The following PIGL variants were observed in gnomAD, a reference collection of about 807,000 sequenced individuals.
The protein encoded by PIGL is N-acetylglucosaminyl-phosphatidylinositol de-N-acetylase.
A neutral mutation model predicts 31.1 loss-of-function variants in PIGL; 22 were observed. The observed-to-expected ratio is 0.71, with a 90% CI of 0.51 to 1.01. PIGL has a LOEUF of 1.01. Ranked by LOEUF, PIGL falls within the 50% of genes least tolerant of loss-of-function variation. The pLI, the probability that PIGL is intolerant of heterozygous loss-of-function variation, is 0.00. For missense variants in PIGL, 302 were observed against 315.9 expected, an observed-to-expected ratio of 0.96 and a Z score of 0.33; for synonymous variants, 131 against 117.4, an observed-to-expected ratio of 1.12 and a Z score of -0.75.
intron 1 of PIGL, among the ~76,000 whole-genome samples, chr17:16,228,679 C>T (rs1052038492): frequency 2.6e-5 from 4 of 152,234 alleles, no homozygotes; most frequent in Non-Finnish European, 2.9e-5. Flanking sequence ...TAAGCCACCA[C>T]GCCCGGCGAT....
chr17:16,261,768 AT>A (rs1018261167), intron 2 of PIGL, among the ~76,000 whole-genome samples: 1 of 151,784 alleles, frequency 6.6e-6, no homozygotes, highest in East Asian at 2.0e-4. Flanking sequence ...TGCCTGGCTA[AT>A]TTTTTTGTAT....
chr17:16,308,353 G>T (rs2093034815), intron 3 of PIGL, among the ~76,000 whole-genome samples: 1 of 150,208 alleles, frequency 6.7e-6, no homozygotes, highest in South Asian at 2.1e-4. Context: ...AAATTACAAA[G>T]CTGCCATCCT....
rs1051919881 is a variant in PIGL, at chr17:16,240,828, G to C, written c.335+6758G>C. 4.0e-5 allele frequency among the ~76,000 whole-genome samples: 6 copies of C among 151,796 alleles called. No homozygotes were observed. In the East Asian group the frequency reaches 9.8e-4, roughly 25 times the overall value. On this transcript the variant is annotated intron_variant, in intron 2 of 6. Coordinates refer to ENST00000225609, the MANE Select transcript of PIGL (RefSeq NM_004278.4). ...AGTATTATTTAAGAGGTAGAAATAG[G>C]CCGGGCATGGTGGCTCACGCCTCTA...
intron 1 of PIGL, among the ~76,000 whole-genome samples, chr17:16,228,737 A>G (rs2092665105): frequency 6.6e-6 from 1 of 152,228 alleles, no homozygotes; most frequent in Admixed American, 6.5e-5. Context: ...GCACTTTCAT[A>G]GTATTATGTA....
intron 2 of PIGL, among the ~76,000 whole-genome samples, chr17:16,272,117 A>T (rs970646058): frequency 6.6e-6 from 1 of 152,188 alleles, no homozygotes; most frequent in African/African-American, 2.4e-5. Flanking sequence ...AGTCAGTGTC[A>T]CTATTTCCCT....
chr17:16,239,447 C>T (rs1276478557), intron 2 of PIGL, among the ~76,000 whole-genome samples: 1 of 151,258 alleles, frequency 6.6e-6, no homozygotes, highest in Non-Finnish European at 1.5e-5. Context: ...CGCACCACTG[C>T]ACTCCAGCCT....
chr17:16,262,975 A>G (rs940043777), intron 2 of PIGL, among the ~76,000 whole-genome samples: 4 of 152,136 alleles, frequency 2.6e-5, no homozygotes, highest in Non-Finnish European at 5.9e-5. Context: ...AAAAAGCTAC[A>G]TAGGATTCCA....
intron 1 of PIGL, among the ~76,000 whole-genome samples, chr17:16,219,065 ATT>A (rs766541353): frequency 6.1e-5 from 5 of 81,638 alleles, no homozygotes; most frequent in Admixed American, 1.3e-4. Flanking sequence ...TTTTTTATAA[ATT>A]TTTTTTTTTT....
Position 16,266,906 on chromosome 17 carries a change from T to G in PIGL, c.335+32836T>G, listed in dbSNP as rs1000878226. ...GCCACCACGCCTTGCTCTTTTTTTT[T>G]GGGGGGGGGGGGGTTGTCGTGGAAA... On this transcript the variant is annotated intron_variant, in intron 2 of 6. Coordinates refer to ENST00000225609, the MANE Select transcript of PIGL (RefSeq NM_004278.4). Among the ~76,000 whole-genome samples the G allele has an allele frequency of 2.3e-4, 28 of 123,126 alleles. 1 individual carries two copies. The highest frequency in any genetic ancestry group is 6.9e-4 in the African/African-American group (25 of 36,446). 80.8% of individuals were successfully genotyped at this position (123,126 alleles called of 152,430 possible). A position where few individuals can be genotyped will look rare whatever the true frequency, so the allele number is the denominator to read the frequency against.
chr17:16,243,115 A>G (rs1478217763), intron 2 of PIGL, among the ~76,000 whole-genome samples: 1 of 152,082 alleles, frequency 6.6e-6, no homozygotes, highest in Non-Finnish European at 1.5e-5. Flanking sequence ...CAGTGGTGCA[A>G]TCTTGGCTCA....
intron 2 of PIGL, among the ~76,000 whole-genome samples, chr17:16,275,681 C>T (rs2092892033): frequency 6.6e-6 from 1 of 152,072 alleles, no homozygotes; most frequent in Non-Finnish European, 1.5e-5. Context: ...GATATTACTG[C>T]CTATTAGGGT....
chr17:16,320,172 G>T (rs995317062), intron 6 of PIGL, among the ~76,000 whole-genome samples: 2 of 142,908 alleles, frequency 1.4e-5, no homozygotes, highest in African/African-American at 5.2e-5. Flanking sequence ...GGGAGAAAGA[G>T]ACAGAGAGAA....
At chr17:16,228,961 T>C (rs1480511198) in intron 1 of PIGL, among the ~76,000 whole-genome samples, 1 of 152,180 alleles carries the variant, frequency 6.6e-6, no homozygotes, top group South Asian at 2.1e-4. Context: ...TTCATCCATA[T>C]TGTGGCATGT....
rs749364142 is a variant in PIGL, at chr17:16,234,029, T to C, written c.294T>C (p.Val98=). The C allele has an allele frequency of 3.1e-6, 5 of 1,608,136 alleles. No homozygotes were observed. Among genetic ancestry groups the C allele is most frequent in the Non-Finnish European group, 4.3e-6 (5 of 1,174,648 alleles). ...AAGAACTTTTGCAGAGCTGTGATGT[T>C]TTGGGGATTCCACTCTCCAGTGTAA... is the stretch of plus-strand genomic sequence containing the variant. ...RKKELLQSCD[V]LGIPLSSVMI... Residue 98 remains valine, a synonymous_variant, in exon 2 of 7, where the codon GTT becomes GTC. Coordinates refer to ENST00000225609, the MANE Select transcript of PIGL (RefSeq NM_004278.4).
intron 2 of PIGL, among the ~76,000 whole-genome samples, chr17:16,234,757 T>G (rs2092692860): frequency 6.6e-6 from 1 of 152,214 alleles, no homozygotes; most frequent in Admixed American, 6.5e-5. Context: ...AGAGCAAGAC[T>G]CCGTCTCAAA....
intron 2 of PIGL, among the ~76,000 whole-genome samples, chr17:16,259,440 G>A (rs2142746022): frequency 6.6e-6 from 1 of 152,112 alleles, no homozygotes; most frequent in East Asian, 1.9e-4. Flanking sequence ...GGAGGCCGAG[G>A]CAGGAGGATC....
intron 6 of PIGL, among the ~76,000 whole-genome samples, chr17:16,319,623 T>C (rs2093094289): frequency 6.6e-6 from 1 of 151,486 alleles, no homozygotes; most frequent in Middle Eastern, 3.2e-3. Context: ...GGCGTGGTGG[T>C]GGGCACCTGT....
chr17:16,249,108 C>T (rs1417956937), intron 2 of PIGL, among the ~76,000 whole-genome samples: 2 of 152,200 alleles, frequency 1.3e-5, no homozygotes, highest in Non-Finnish European at 1.5e-5. Context: ...TCTGTGGTTT[C>T]GGTTACCTGC....
intron 4 of PIGL, 31 bp from the exon 5 acceptor site, chr17:16,316,650 T>C (rs1176298010): frequency 6.4e-7 from 1 of 1,568,782 alleles, no homozygotes; most frequent in Non-Finnish European, 8.7e-7. Context: ...TGATCCTTAC[T>C]CCTCTCACTC....
Sources: allele counts gnomAD v4.1 joint callset (sites outside exome capture counted in the v4.1 genomes callset), GRCh38; gene constraint gnomAD v4.1.1; transcripts MANE v1.5; gene names NCBI Gene and HGNC (gene_info 2026-07-23, HGNC 2026-07-21).